Variants in DDX20 observed in about 807,000 individuals in gnomAD.
DDX20 encodes the protein probable ATP-dependent RNA helicase DDX20.
A neutral mutation model predicts 76.4 loss-of-function variants in DDX20; 61 were observed. The observed-to-expected ratio is 0.80, with a 90% CI of 0.65 to 0.99. The LOEUF (loss-of-function observed/expected upper bound fraction) is 0.99, where lower values mean the gene tolerates loss of function less well. Among genes scored for constraint, DDX20 ranks in the 50% least tolerant of loss-of-function variants. DDX20 has a pLI of 0.00. For synonymous variants in DDX20, 357 were observed against 357.4 expected (o/e 1.00, Z 0.01); for missense variants, 976 against 996.8 (o/e 0.98, Z 0.28).
chr1:111,762,759 G>T lies in DDX20; in HGVS notation c.1187G>T (p.Arg396Leu). Residue 396 changes from arginine (R) to leucine (L), a missense_variant, in exon 9 of 11, where the codon CGG becomes CTG. This residue lies in a region of DDX20 where 630 missense variants were observed against 693.7 expected (regional missense o/e 0.91). Coordinates refer to ENST00000369702, the MANE Select transcript of DDX20 (RefSeq NM_007204.5). ...VPLDWETYMH[R>L]IGRAGRFGTL... is the part of the protein sequence containing the mutation. The stretch of plus-strand genomic sequence containing the variant: ...TTGGATTGGGAGACATACATGCATC[G>T]GATTGGGAGAGCTGGCCGTTTTGGT... 6.2e-7 allele frequency: 1 copy of T among 1,613,250 alleles called. No homozygotes were observed. The highest frequency in any genetic ancestry group is 1.3e-5 in the African/African-American group (1 of 74,800).
Position 111,756,175 on chromosome 1 carries a change from G to C in DDX20, c.251G>C (p.Arg84Thr), listed in dbSNP as rs201018313. 2 of 1,535,988 alleles carry C rather than the reference G, an allele frequency of 1.3e-6. No homozygotes were observed. The highest frequency in any genetic ancestry group is 1.7e-6 in the Non-Finnish European group (2 of 1,148,108). Residue 84 changes from arginine to threonine, a missense_variant, in exon 1 of 11, where the codon AGG (arginine) becomes ACG (threonine). Arg to Thr is a moderately conservative substitution (Grantham distance 71). Coordinates refer to ENST00000369702, the MANE Select transcript of DDX20 (RefSeq NM_007204.5). The part of the protein sequence containing the change: ...LEGLRAAGFE[R>T]PSPVQLKAIP... Reference sequence around the variant, plus strand: ...GGGCTGCGGGCGGCCGGCTTCGAGAGGCCCTCGCCGGTGCAGCTCAAGGCC... The same window carrying C: ...GGGCTGCGGGCGGCCGGCTTCGAGACGCCCTCGCCGGTGCAGCTCAAGGCC...
rs2101411130 is a variant in DDX20, at chr1:111,755,953, C to T, written c.29C>T (p.Ala10Val). Residue 10 changes from alanine (A) to valine (V), a missense_variant, in exon 1 of 11, where the codon GCC (alanine) becomes GTC (valine). Around this residue, in one of 3 missense-constraint regions of DDX20, gnomAD observed 343 missense variants for 286.4 expected, o/e 1.20. Coordinates refer to ENST00000369702, the MANE Select transcript of DDX20 (RefSeq NM_007204.5). ...GCGGCGGCATTTGAAGCCTCGGGAG[C>T]CTTAGCAGCAGTGGCGACTGCTATG... MAAAFEASG[A>V]LAAVATAMPA... is the part of the protein sequence containing the mutation. The T allele has an allele frequency of 2.5e-6, 4 of 1,589,068 alleles. No homozygotes were observed. Among genetic ancestry groups the T allele is most frequent in the Admixed American group, 1.7e-5 (1 of 58,538 alleles).
chr1:111,764,519 T>G (rs1038145484), intron 10 of DDX20, among the ~76,000 whole-genome samples: 4 of 152,348 alleles, frequency 2.6e-5, no homozygotes, highest in Middle Eastern at 3.4e-3. Flanking sequence ...AGTCCTGATT[T>G]GCAAAGTACT....
chr1:111,762,683 C>A lies in DDX20; in HGVS notation c.1111C>A (p.Arg371Ser). ...CTATCTTCTTCAATTCAAGACTTCT[C>A]GTGGGATTGATGCTGAGAAGGTGAA... ...RVLISTDLTS[R>S]GIDAEKVNLV... The change falls in exon 9 of 11, where the codon CGT (arginine) becomes AGT (serine). Residue 371 changes from arginine (R) to serine (S), a missense_variant. Arg to Ser is a moderately radical substitution (Grantham distance 110). Coordinates refer to ENST00000369702, the MANE Select transcript of DDX20 (RefSeq NM_007204.5). 1 of 1,612,650 alleles carries A rather than the reference C, an allele frequency of 6.2e-7. No homozygotes were observed. The highest frequency in any genetic ancestry group is 1.1e-5 in the South Asian group (1 of 90,936).
intron 2 of DDX20, 77 bp downstream of exon 2, chr1:111,756,817 C>T: frequency 8.3e-7 from 1 of 1,202,472 alleles, no homozygotes; most frequent in Non-Finnish European, 1.2e-6. Context: ...CCAGTAGCTC[C>T]TCAGAGCTGG....
chr1:111,756,266 G>GGGGTC, intron 1 of DDX20, 41 bp downstream of exon 1: 3 of 842,532 alleles, frequency 3.6e-6, no homozygotes, highest in Non-Finnish European at 5.0e-6. Context: ...GGTGGGGTGG[G>GGGGTC]AGAAGGGGGA....
chr1:111,760,073 A>G (rs968794433), intron 3 of DDX20, among the ~76,000 whole-genome samples: 2 of 151,994 alleles, frequency 1.3e-5, no homozygotes, highest in Non-Finnish European at 2.9e-5. Context: ...CTCCATTCCT[A>G]AGTATGTTTG....
rs748866428 is a variant in DDX20, at chr1:111,756,206, G to A, written c.282G>A (p.Pro94=). 4.1e-6 allele frequency: 6 copies of A among 1,464,060 alleles called. No homozygotes were observed. The Admixed American group carries it at 9.1e-5, about 22-fold the overall frequency. 90.7% of individuals were successfully genotyped at this position (1,464,060 alleles called of 1,614,324 possible). ...CGCCGGTGCAGCTCAAGGCCATCCC[G>A]TTGGGGCGCTGCGGGCTCGGTGAGA... is the stretch of plus-strand genomic sequence containing the variant. The part of the protein sequence containing the change: ...RPSPVQLKAI[P]LGRCGLDLIV... The change falls in exon 1 of 11, where the codon CCG becomes CCA. Residue 94 remains proline, a synonymous_variant. Transcript: ENST00000369702.
rs1410453217 is a variant in DDX20 at position 111,766,462 on chromosome 1, A to C, written c.2038A>C (p.Asn680His). The C allele has an allele frequency of 1.9e-6, 3 of 1,614,202 alleles. No homozygotes were observed. The South Asian group carries it at 3.3e-5, about 18-fold the overall frequency. Residue 680 changes from asparagine (N) to histidine (H), a missense_variant, in exon 11 of 11, where the codon AAT (asparagine) becomes CAT (histidine). By Grantham distance (68) the Asn-to-His change is moderately conservative (BLOSUM62 1). Transcript: ENST00000369702. ...NKSYLEGSSDNQLKDSESTPV... is the reference protein window; with the variant it reads ...NKSYLEGSSDHQLKDSESTPV... Reference sequence around the variant, plus strand: ...GTCATACTTGGAAGGCTCTTCTGATAATCAGCTGAAAGACTCTGAATCTAC... The same window carrying C: ...GTCATACTTGGAAGGCTCTTCTGATCATCAGCTGAAAGACTCTGAATCTAC...
Position 111,756,148 on chromosome 1 carries a change from A to G in DDX20, c.224A>G (p.Glu75Gly). 1 of 1,567,328 alleles carries G rather than the reference A, an allele frequency of 6.4e-7. No homozygotes were observed. ...ESLLLSRPVL[E>G]GLRAAGFERP... Reference sequence around the variant, plus strand: ...CTGCTGCTTTCGCGGCCGGTGCTGGAGGGGCTGCGGGCGGCCGGCTTCGAG... The same window carrying G: ...CTGCTGCTTTCGCGGCCGGTGCTGGGGGGGCTGCGGGCGGCCGGCTTCGAG... Residue 75 changes from glutamate to glycine, a missense_variant, in exon 1 of 11, where the codon GAG becomes GGG. Transcript: ENST00000369702.
intron 10 of DDX20, among the ~76,000 whole-genome samples, 195 bp downstream of exon 10, chr1:111,763,202 C>T (rs1329784604): frequency 1.3e-5 from 2 of 152,118 alleles, no homozygotes; most frequent in African/African-American, 4.8e-5. Context: ...GATATTTAGA[C>T]ATAGAGAGGG....
At chr1:111,759,988 A>AT (rs1185676053) in intron 3 of DDX20, among the ~76,000 whole-genome samples, 2 of 150,120 alleles carry the variant, frequency 1.3e-5, no homozygotes, top group Admixed American at 1.3e-4. Context: ...AAAAAAAAAA[A>AT]AAAAAAAGAA....
Position 111,756,063 on chromosome 1 carries a change from A to G in DDX20, c.139A>G (p.Ser47Gly). 2 of 1,608,426 alleles carry G rather than the reference A, an allele frequency of 1.2e-6. No homozygotes were observed. The highest frequency in any genetic ancestry group is 2.7e-5 in the African/African-American group (2 of 74,986). The stretch of plus-strand genomic sequence containing the variant: ...GATCCTGCGGACCGCTCAGGATCTC[A>G]GCAGCCCGCGGACCCGCACGGGGGA... ...VRILRTAQDL[S>G]SPRTRTGDVL... Residue 47 changes from serine (S) to glycine (G), a missense_variant, in exon 1 of 11, where the codon AGC becomes GGC. Around this residue, in one of 3 missense-constraint regions of DDX20, gnomAD observed 343 missense variants for 286.4 expected, o/e 1.20. Transcript: ENST00000369702.
rs1215170663 is a variant in DDX20 at position 111,766,262 on chromosome 1, T to C, written c.1838T>C (p.Ile613Thr). ...KEGLEKPVEI[I>T]RHYTGPGDQT... ...GGGTTAGAGAAACCTGTGGAAATCA[T>C]CAGGCACTACACAGGCCCTGGGGAT... Residue 613 changes from isoleucine (I) to threonine (T), a missense_variant, in exon 11 of 11, where the codon ATC (isoleucine) becomes ACC (threonine). Ile to Thr is a moderately conservative substitution (Grantham distance 89). Transcript: ENST00000369702. The C allele has an allele frequency of 3.7e-6, 6 of 1,614,158 alleles. No homozygotes were observed. In the East Asian group the frequency reaches 8.9e-5, roughly 24 times the overall value.
Position 111,765,895 on chromosome 1 carries a change from G to A in DDX20, c.1471G>A (p.Asp491Asn), listed in dbSNP as rs1365286305. The A allele has an allele frequency of 1.2e-6, 2 of 1,614,038 alleles. No homozygotes were observed. Among genetic ancestry groups the A allele is most frequent in the South Asian group, 1.1e-5 (1 of 91,016 alleles). ...CCTTCAAATTCAGAAAGCTCATGGT[G>A]ACCACATGGCTTCCTCTAGAAATAA... ...RTLQIQKAHG[D>N]HMASSRNNSV... The change falls in exon 11 of 11, where the codon GAC becomes AAC. Residue 491 changes from aspartate (D) to asparagine (N), a missense_variant. Transcript: ENST00000369702.
At chr1:111,756,961 ATTC>A (rs1206601079) in intron 2 of DDX20, among the ~76,000 whole-genome samples, 1 of 152,092 alleles carries the variant, frequency 6.6e-6, no homozygotes, top group Admixed American at 6.5e-5. Flanking sequence ...ACAGACAGGG[ATTC>A]TTCTTTTACT....
rs774827261 is a variant in DDX20 at position 111,759,360 on chromosome 1, T to C, written c.397-40T>C. Reference sequence around the variant, plus strand: ...AATATACCAGTCCCCTATGTATTTATTCCTCTGACTCAAAGGTGTAATTTA... The same window carrying C: ...AATATACCAGTCCCCTATGTATTTACTCCTCTGACTCAAAGGTGTAATTTA... On this transcript the variant is annotated intron_variant, in intron 2 of 10. Coordinates refer to ENST00000369702, the MANE Select transcript of DDX20 (RefSeq NM_007204.5). 2.0e-6 allele frequency: 3 copies of C among 1,493,458 alleles called. No individual in the cohort carries two copies. The Admixed American group carries it at 5.8e-5, about 29-fold the overall frequency. 92.5% of individuals were successfully genotyped at this position (1,493,458 alleles called of 1,614,324 possible).
chr1:111,757,347 G>A (rs1467559872), intron 2 of DDX20, among the ~76,000 whole-genome samples: 4 of 152,276 alleles, frequency 2.6e-5, no homozygotes, highest in South Asian at 2.1e-4. Flanking sequence ...CACCACAGCC[G>A]GTATGCAGGT....
At chr1:111,756,353 CG>C (rs1282549787) in intron 1 of DDX20, 128 bp downstream of exon 1, 6 of 968,210 alleles carry the variant, frequency 6.2e-6, no homozygotes, top group Non-Finnish European at 7.1e-6. Flanking sequence ...AGGGCCCTGC[CG>C]GGGGCTAGGC....
Sources: gnomAD v4.1 joint callset for allele counts (sites outside exome capture counted in the v4.1 genomes callset) on GRCh38, gnomAD v4.1.1 for gene constraint, gnomAD v4.1.1 regional missense constraint, MANE v1.5 for transcripts, NCBI Gene and HGNC (gene_info 2026-07-23, HGNC 2026-07-21) for gene names.